ZNF385B: variants seen among roughly 807,000 people sequenced by gnomAD.
The protein encoded by ZNF385B is zinc finger protein 533.
A neutral mutation model predicts 39.2 loss-of-function variants in ZNF385B; 23 were observed. The observed-to-expected ratio is 0.59, with a 90% CI of 0.42 to 0.83. ZNF385B has a LOEUF of 0.83. ZNF385B is among the 40% of genes least tolerant of loss of function. The pLI, the probability that ZNF385B is intolerant of heterozygous loss-of-function variation, is 0.00. For missense variants in ZNF385B, 552 were observed against 598.9 expected (o/e 0.92, Z 0.82); for synonymous variants, 205 against 222.6 (o/e 0.92, Z 0.70).
At chr2:179,710,927 C>A (rs189779040) in intron 3 of ZNF385B, among the ~76,000 whole-genome samples, 232 of 152,312 alleles carry the variant, frequency 1.5e-3, no homozygotes, top group Admixed American at 0.015. Context: ...CCTTTAGTGA[C>A]AATTGCACCT....
intron 3 of ZNF385B, among the ~76,000 whole-genome samples, chr2:179,577,039 A>AG (rs1685907906): frequency 6.6e-6 from 1 of 152,196 alleles, no homozygotes; most frequent in Non-Finnish European, 1.5e-5. Context: ...GGAATCCAGG[A>AG]GAAAACTGGA....
At chr2:179,721,159 C>T (rs1021005715) in intron 3 of ZNF385B, among the ~76,000 whole-genome samples, 4 of 151,824 alleles carry the variant, frequency 2.6e-5, no homozygotes, top group African/African-American at 7.3e-5. Context: ...AATTTCAATA[C>T]ATTACAAAGG....
At chr2:179,735,120 G>A (rs951005774) in intron 3 of ZNF385B, among the ~76,000 whole-genome samples, 37 of 151,932 alleles carry the variant, frequency 2.4e-4, no homozygotes, top group African/African-American at 7.5e-4. Context: ...GAAAATTTTC[G>A]CAACCCACTC....
At chr2:179,642,998 T>C (rs1390829241) in intron 3 of ZNF385B, among the ~76,000 whole-genome samples, 2 of 152,150 alleles carry the variant, frequency 1.3e-5, no homozygotes, top group Non-Finnish European at 2.9e-5. Context: ...CTAGATCCTT[T>C]TCTGATAGAA....
chr2:179,737,177 C>A (rs926496813), intron 3 of ZNF385B, among the ~76,000 whole-genome samples: 1 of 152,120 alleles, frequency 6.6e-6, no homozygotes, highest in African/African-American at 2.4e-5. Flanking sequence ...TGTTGAGTGG[C>A]GGTGTGGGGC....
intron 1 of ZNF385B, among the ~76,000 whole-genome samples, chr2:179,820,811 G>A (rs1707355569): frequency 6.6e-6 from 1 of 151,996 alleles, no homozygotes; most frequent in South Asian, 2.1e-4. Flanking sequence ...GATAAATGGT[G>A]GATGTTTGCT....
intron 1 of ZNF385B, among the ~76,000 whole-genome samples, chr2:179,780,470 C>A (rs906829300): frequency 6.6e-6 from 1 of 152,154 alleles, no homozygotes; most frequent in Non-Finnish European, 1.5e-5. Context: ...TGCAGAATTT[C>A]TTTGAGTAAA....
At chr2:179,733,655 T>G (rs1364446978) in intron 3 of ZNF385B, among the ~76,000 whole-genome samples, 1 of 151,796 alleles carries the variant, frequency 6.6e-6, no homozygotes, top group African/African-American at 2.4e-5. Flanking sequence ...CGGTGGCGGG[T>G]GCCTGTAGTC....
intron 3 of ZNF385B, among the ~76,000 whole-genome samples, chr2:179,631,230 A>T (rs1465158514): frequency 1.3e-5 from 2 of 152,212 alleles, no homozygotes; most frequent in Admixed American, 6.5e-5. Flanking sequence ...AGATTCAACA[A>T]GGTTGAAATG....
intron 3 of ZNF385B, among the ~76,000 whole-genome samples, chr2:179,564,971 C>T (rs1684389117): frequency 6.6e-6 from 1 of 152,156 alleles, no homozygotes; most frequent in African/African-American, 2.4e-5. Context: ...TTGACTTCTC[C>T]CTCTTCCTTG....
chr2:179,776,612 G>T (rs1238149384), intron 1 of ZNF385B, among the ~76,000 whole-genome samples: 1 of 152,186 alleles, frequency 6.6e-6, no homozygotes, highest in Non-Finnish European at 1.5e-5. Flanking sequence ...AATTGTGCAA[G>T]AGTCTGGGAT....
At chr2:179,444,770 T>C in intron 9 of ZNF385B, 106 bp downstream of exon 9, 1 of 958,910 alleles carries the variant, frequency 1.0e-6, no homozygotes, top group African/African-American at 1.6e-5. Flanking sequence ...CTATTTAAAT[T>C]TGAAACCTTT....
chr2:179,798,231 C>T (rs913207746), intron 1 of ZNF385B, among the ~76,000 whole-genome samples: 7 of 151,836 alleles, frequency 4.6e-5, no homozygotes, highest in Non-Finnish European at 8.8e-5. Flanking sequence ...AATCTAGTAG[C>T]CTTTATAGCT....
chr2:179,779,996 T>G (rs1251000601), intron 1 of ZNF385B, among the ~76,000 whole-genome samples: 1 of 152,118 alleles, frequency 6.6e-6, no homozygotes, highest in Non-Finnish European at 1.5e-5. Flanking sequence ...ATTTAATTGG[T>G]CTGCTGCTGG....
chr2:179,575,065 C>A lies in ZNF385B; in HGVS notation c.299-30096G>T, dbSNP rs142636470. Among the ~76,000 whole-genome samples, 16 of 152,154 alleles carry A rather than the reference C, an allele frequency of 1.1e-4. No individual in the cohort carries two copies. The East Asian group carries it at 3.1e-3, about 29-fold the overall frequency. On this transcript the variant is annotated intron_variant, in intron 3 of 9. Transcript: ENST00000410066. ...CTCTCTGGATGGTCTGCTTGCCTCT[C>A]AGGGTATTATCTCTCTGCCAATGAC...
intron 3 of ZNF385B, among the ~76,000 whole-genome samples, chr2:179,728,026 G>A (rs553419487): frequency 1.1e-4 from 16 of 152,110 alleles, no homozygotes; most frequent in South Asian, 2.1e-4. Flanking sequence ...AAAATGCCCC[G>A]ACTCTTGAAA....
intron 3 of ZNF385B, among the ~76,000 whole-genome samples, chr2:179,601,432 CA>C (rs1016534170): frequency 1.4e-4 from 21 of 152,180 alleles, no homozygotes; most frequent in African/African-American, 4.8e-4. Flanking sequence ...ATAGAGTAAA[CA>C]TTTTTTTCTG....
intron 3 of ZNF385B, among the ~76,000 whole-genome samples, chr2:179,750,317 A>G (rs1221736399): frequency 6.6e-6 from 1 of 152,158 alleles, no homozygotes; most frequent in Non-Finnish European, 1.5e-5. Context: ...AGTCTCAATT[A>G]AATTTATCTG....
chr2:179,586,776 T>C (rs1687109777), intron 3 of ZNF385B, among the ~76,000 whole-genome samples: 1 of 152,210 alleles, frequency 6.6e-6, no homozygotes, highest in African/African-American at 2.4e-5. Context: ...TGGTGGCTCA[T>C]GCCTGTAATC....
Sources: gnomAD v4.1 joint callset for allele counts (sites outside exome capture counted in the v4.1 genomes callset) on GRCh38, gnomAD v4.1.1 for gene constraint, MANE v1.5 for transcripts, NCBI Gene and HGNC (gene_info 2026-07-23, HGNC 2026-07-21) for gene names.